The following MRE11 variants were observed in gnomAD, a reference collection of about 807,000 sequenced individuals.
MRE11 encodes the protein MRE11 double strand break repair nuclease.
A neutral mutation model predicts 91.7 loss-of-function variants in MRE11; 62 were observed. The ratio of observed to expected loss-of-function variants is 0.68; its 90% CI spans 0.55 to 0.84. The LOEUF is 0.84. Among genes scored for constraint, MRE11 ranks in the 40% least tolerant of loss-of-function variants. MRE11 has a pLI of 0.00. For synonymous variants in MRE11, 273 were observed against 271.4 expected (o/e 1.01, Z -0.06); for missense variants, 796 against 852.9 (o/e 0.93, Z 0.83).
chr11:94,463,675 G>C (rs13447652), intron 11 of MRE11, among the ~76,000 whole-genome samples: 39 of 151,830 alleles, frequency 2.6e-4, no homozygotes, highest in African/African-American at 8.5e-4. Flanking sequence ...GCAAACTACC[G>C]CAAGGACAGA....
intron 19 of MRE11, among the ~76,000 whole-genome samples, 161 bp downstream of exon 19, chr11:94,429,750 A>G (rs1194613447): frequency 1.3e-5 from 2 of 152,208 alleles, no homozygotes; most frequent in African/African-American, 2.4e-5. Flanking sequence ...AAACCTCAGC[A>G]TCACGCAATT....
the MRE11 span, among the ~76,000 whole-genome samples, chr11:94,503,516 T>C: frequency 2.1e-3 from 323 of 152,134 alleles, 2 homozygotes; most frequent in African/African-American, 7.3e-3. Flanking sequence ...GGTGAAACCC[T>C]GTCTCTACTA....
Position 94,418,047 on chromosome 11 carries a change from T to G in MRE11, c.*2078A>C, listed in dbSNP as rs548374832. The G allele has an allele frequency of 4.3e-6, 1 of 233,098 alleles. No individual in the cohort carries two copies. The highest frequency in any genetic ancestry group is 8.5e-6 in the Non-Finnish European group (1 of 117,988). The allele number at this position is 233,098 out of a possible 1,614,324, so 14.4% of individuals were successfully genotyped here. On this transcript the variant is annotated 3_prime_UTR_variant, in exon 20 of 20. Transcript: ENST00000323929. ...GCCTCCAAGAGCAAATGCAGCTGCT[T>G]TCAAATCATCTGAAAGACTTCTACA...
At chr11:94,507,593 G>A in the MRE11 span, among the ~76,000 whole-genome samples, 3 of 152,130 alleles carry the variant, frequency 2.0e-5, no homozygotes, top group Admixed American at 6.5e-5. Flanking sequence ...CAGCAGAAGT[G>A]AACGTTCCGA....
At chr11:94,476,458 T>C (rs1946860871) in intron 6 of MRE11, 55 bp from the exon 7 acceptor site, 3 of 1,194,316 alleles carry the variant, frequency 2.5e-6, no homozygotes, top group South Asian at 2.5e-5. Context: ...GCTTAAAAAA[T>C]GAATCTATTT....
At chr11:94,460,532 T>A (rs535579967) in intron 12 of MRE11, among the ~76,000 whole-genome samples, 34 of 152,354 alleles carry the variant, frequency 2.2e-4, no homozygotes, top group African/African-American at 7.5e-4. Context: ...TTAATAATGG[T>A]ATTCACAATT....
chr11:94,456,515 TAA>T (rs3832746), intron 13 of MRE11, among the ~76,000 whole-genome samples, 177 bp from the exon 14 acceptor site: 3 of 149,726 alleles, frequency 2.0e-5, no homozygotes, highest in African/African-American at 2.4e-5. Context: ...AATGTACTCT[TAA>T]AAAAAAAAAC....
chr11:94,497,696 C>T (rs534013405), upstream of MRE11: 26 of 183,224 alleles, frequency 1.4e-4, no homozygotes, highest in Non-Finnish European at 2.6e-4. Flanking sequence ...GTGTGATAAT[C>T]CTACAGAAAA....
chr11:94,443,675 G>T (rs541492886), intron 16 of MRE11, among the ~76,000 whole-genome samples: 71 of 152,284 alleles, frequency 4.7e-4, no homozygotes, highest in South Asian at 1.2e-3. Context: ...TGCGCCTCAT[G>T]GGAGTGGCTG....
At chr11:94,504,634 G>C in the MRE11 span, among the ~76,000 whole-genome samples, 1 of 152,164 alleles carries the variant, frequency 6.6e-6, no homozygotes, top group Non-Finnish European at 1.5e-5. Context: ...AGTGGTTTTA[G>C]CATCTACTTT....
intron 14 of MRE11, among the ~76,000 whole-genome samples, chr11:94,450,647 T>A (rs896179963): frequency 2.0e-5 from 3 of 152,086 alleles, no homozygotes; most frequent in Admixed American, 2.0e-4. Flanking sequence ...AAAACGAAAG[T>A]TGCAGAACAT....
chr11:94,491,136 TAC>T (rs1194056348), intron 2 of MRE11, among the ~76,000 whole-genome samples, 171 bp from the exon 3 acceptor site: 11 of 152,200 alleles, frequency 7.2e-5, no homozygotes, highest in African/African-American at 2.7e-4. Flanking sequence ...TCATTAACAT[TAC>T]AGTTTTCCTA....
chr11:94,469,830 T>C (rs1403944068), intron 9 of MRE11, among the ~76,000 whole-genome samples: 1 of 152,126 alleles, frequency 6.6e-6, no homozygotes, highest in Non-Finnish European at 1.5e-5. Flanking sequence ...AAAGAAAACA[T>C]AGTAGGACAG....
intron 10 of MRE11, 23 bp from the exon 11 acceptor site, chr11:94,464,262 G>A (rs767528400): frequency 6.2e-7 from 1 of 1,613,496 alleles, no homozygotes; most frequent in Middle Eastern, 1.7e-4. Context: ...AATAATCTAT[G>A]AACGCTAGGA....
chr11:94,430,756 C>T (rs1452002523), intron 18 of MRE11, among the ~76,000 whole-genome samples: 3 of 152,186 alleles, frequency 2.0e-5, no homozygotes, highest in Non-Finnish European at 4.4e-5. Flanking sequence ...GCGTGAGCCA[C>T]CACGCCCAGC....
At chr11:94,425,010 A>G (rs1945273399) in intron 19 of MRE11, among the ~76,000 whole-genome samples, 1 of 152,172 alleles carries the variant, frequency 6.6e-6, no homozygotes, top group African/African-American at 2.4e-5. Context: ...TTCCTATCAG[A>G]CATTATATAA....
intron 19 of MRE11, among the ~76,000 whole-genome samples, chr11:94,423,173 G>A (rs1372169893): frequency 6.6e-6 from 1 of 152,154 alleles, no homozygotes; most frequent in East Asian, 1.9e-4. Context: ...CTGATAGAGA[G>A]GTGATACAAA....
At chr11:94,511,533 T>G in the MRE11 span, among the ~76,000 whole-genome samples, 1 of 152,190 alleles carries the variant, frequency 6.6e-6, no homozygotes, top group Non-Finnish European at 1.5e-5. Context: ...TAAGTATATG[T>G]GACACAGGGA....
chr11:94,445,704 T>C, intron 16 of MRE11, 106 bp downstream of exon 16: 1 of 868,264 alleles, frequency 1.2e-6, no homozygotes, highest in South Asian at 1.3e-5. Context: ...CTAATTGCCC[T>C]TATAACTTCC....
Sources: gnomAD v4.1 joint callset for allele counts (sites outside exome capture counted in the v4.1 genomes callset) on GRCh38, gnomAD v4.1.1 for gene constraint, MANE v1.5 for transcripts, NCBI Gene and HGNC (gene_info 2026-07-23, HGNC 2026-07-21) for gene names.